The following NAV2 variants were observed in gnomAD, a reference collection of about 807,000 sequenced individuals.
NAV2 encodes the protein helicase, APC down-regulated 1.
Under a neutral mutation model 223.2 loss-of-function variants are expected in NAV2, and 54 were observed. The ratio of observed to expected loss-of-function variants is 0.24; its 90% CI spans 0.19 to 0.30. The LOEUF is 0.30. Ranked by LOEUF, NAV2 falls within the 10% of genes least tolerant of loss-of-function variation. The pLI, the probability that NAV2 is intolerant of heterozygous loss-of-function variation, is 1.00. For synonymous variants in NAV2, 1,279 were observed against 1,239.3 expected (o/e 1.03, Z -0.67); for missense variants, 2,806 against 3,147.5 (o/e 0.89, Z 2.60).
At chr11:19,477,855 G>T (rs1027747393) in intron 1 of NAV2, among the ~76,000 whole-genome samples, 4 of 152,180 alleles carry the variant, frequency 2.6e-5, no homozygotes, top group African/African-American at 9.7e-5. Context: ...AAAAAGTGGG[G>T]AGCCAGAACT....
intron 1 of NAV2, among the ~76,000 whole-genome samples, chr11:19,681,076 A>G (rs545258279): frequency 6.6e-6 from 1 of 152,334 alleles, no homozygotes; most frequent in Admixed American, 6.5e-5. Flanking sequence ...ATCCCCACTT[A>G]CAGATAGAGA....
chr11:20,097,677 A>T lies in NAV2; in HGVS notation c.6113A>T (p.Glu2038Val), dbSNP rs765533987. Residue 2038 changes from glutamate (E) to valine (V), a missense_variant, in exon 31 of 38, where the codon GAA becomes GTA. By Grantham distance (121) the Glu-to-Val change is moderately radical. Transcript: ENST00000349880. The part of the protein sequence containing the change: ...IGEIKRSNTS[E>V]TPELLPCGYL... ...GAAATCAAGCGCAGCAACACTTCCGAAACACCGGAGCTGCTTCCTTGTGGC... is the reference window on the plus strand; with the variant it reads ...GAAATCAAGCGCAGCAACACTTCCGTAACACCGGAGCTGCTTCCTTGTGGC... 1 of 1,613,520 alleles carries T rather than the reference A, an allele frequency of 6.2e-7. No homozygotes were observed. Among genetic ancestry groups the T allele is most frequent in the Non-Finnish European group, 8.5e-7 (1 of 1,179,852 alleles).
chr11:20,118,009 C>T, intron 37 of NAV2, 124 bp from the exon 38 acceptor site: 1 of 1,058,664 alleles, frequency 9.4e-7, no homozygotes, highest in Non-Finnish European at 1.4e-6. Flanking sequence ...TGTTCTTGTC[C>T]ACTGCCTCCA....
chr11:20,091,722 G>C (rs757222377), intron 27 of NAV2, among the ~76,000 whole-genome samples: 12 of 152,166 alleles, frequency 7.9e-5, no homozygotes, highest in Non-Finnish European at 1.2e-4. Flanking sequence ...AATGGAGTCA[G>C]TGTTTCACAA....
chr11:19,612,057 A>C (rs1340418934), intron 1 of NAV2, among the ~76,000 whole-genome samples: 1 of 152,226 alleles, frequency 6.6e-6, no homozygotes, highest in Non-Finnish European at 1.5e-5. Flanking sequence ...CTATGCACCC[A>C]CAGGCTCAAC....
At chr11:19,846,319 A>C (rs1338628318) in intron 3 of NAV2, among the ~76,000 whole-genome samples, 2 of 152,000 alleles carry the variant, frequency 1.3e-5, no homozygotes, top group Admixed American at 6.5e-5. Context: ...GGCAGCATCA[A>C]CTCCTTGTCC....
At chr11:19,632,682 C>A (rs557562883) in intron 1 of NAV2, among the ~76,000 whole-genome samples, 1 of 152,312 alleles carries the variant, frequency 6.6e-6, no homozygotes, top group Middle Eastern at 3.4e-3. Flanking sequence ...CCTATCTCAT[C>A]GGAATATGCC....
intron 1 of NAV2, among the ~76,000 whole-genome samples, chr11:19,756,462 C>T (rs944880996): frequency 2.0e-5 from 3 of 152,142 alleles, no homozygotes; most frequent in Admixed American, 6.5e-5. Context: ...TTGGACTGCG[C>T]GCAAGGGGCA....
chr11:19,645,373 C>T (rs1039381275), intron 1 of NAV2, among the ~76,000 whole-genome samples: 2 of 152,178 alleles, frequency 1.3e-5, no homozygotes, highest in Non-Finnish European at 2.9e-5. Context: ...CTCCCTATCT[C>T]AGTATCCTTA....
chr11:20,083,131 G>C lies in NAV2; in HGVS notation c.5450G>C (p.Gly1817Ala). Residue 1817 changes from glycine (G) to alanine (A), a missense_variant, in exon 26 of 38, where the codon GGG (glycine) becomes GCG (alanine). Gly to Ala is a moderately conservative substitution (Grantham distance 60). This residue lies in a region of NAV2 where 824 missense variants were observed against 1,069.4 expected (regional missense o/e 0.77). Transcript: ENST00000349880. ...TCCTCACCAAAGTTACCGCACAATG[G>C]GTCCACAGGTTCCACCCCACTGCTG... is the stretch of plus-strand genomic sequence containing the variant. ...LPSSPKLPHN[G>A]STGSTPLLRN... 6.2e-7 allele frequency: 1 copy of C among 1,613,924 alleles called. No individual in the cohort carries two copies. The highest frequency in any genetic ancestry group is 8.5e-7 in the Non-Finnish European group (1 of 1,179,932).
chr11:19,680,419 G>GT (rs141199479), intron 1 of NAV2, among the ~76,000 whole-genome samples: 3,112 of 152,198 alleles, frequency 0.02, 109 homozygotes, highest in African/African-American at 0.071. Context: ...GTTTTTAAGG[G>GT]TTTTTTTCCC....
At chr11:19,533,309 A>G (rs1291060372) in intron 1 of NAV2, among the ~76,000 whole-genome samples, 2 of 152,034 alleles carry the variant, frequency 1.3e-5, no homozygotes, top group East Asian at 3.9e-4. Flanking sequence ...TCTACCTACT[A>G]GATGCCATTA....
intron 1 of NAV2, among the ~76,000 whole-genome samples, chr11:19,628,139 G>A (rs2047225786): frequency 6.6e-6 from 1 of 152,138 alleles, no homozygotes; most frequent in African/African-American, 2.4e-5. Flanking sequence ...CTGGCCCCAG[G>A]GTTTGGCTCC....
chr11:19,891,647 T>A (rs1055214299), intron 5 of NAV2, among the ~76,000 whole-genome samples: 1 of 152,154 alleles, frequency 6.6e-6, no homozygotes, highest in African/African-American at 2.4e-5. Flanking sequence ...GGTCATCAGG[T>A]GTTGAAGGGA....
At chr11:19,570,675 C>G (rs1023636836) in intron 1 of NAV2, among the ~76,000 whole-genome samples, 1 of 152,160 alleles carries the variant, frequency 6.6e-6, no homozygotes, top group African/African-American at 2.4e-5. Flanking sequence ...CCCAGAAGCA[C>G]ATGGAAAGAT....
intron 26 of NAV2, among the ~76,000 whole-genome samples, chr11:20,086,401 C>T (rs2060449375): frequency 6.6e-6 from 1 of 152,172 alleles, no homozygotes; most frequent in Non-Finnish European, 1.5e-5. Flanking sequence ...CCTTAGGTCT[C>T]TGCTCAATGT....
chr11:19,375,077 C>T (rs1005406845), intron 1 of NAV2, among the ~76,000 whole-genome samples: 4 of 152,182 alleles, frequency 2.6e-5, no homozygotes, highest in Non-Finnish European at 4.4e-5. Flanking sequence ...AGCTCCTTCT[C>T]GACAATAATG....
chr11:20,035,936 A>C, intron 11 of NAV2, 23 bp from the exon 12 acceptor site: 2 of 1,613,932 alleles, frequency 1.2e-6, no homozygotes, highest in Non-Finnish European at 8.5e-7. Context: ...TTTGGTGCTC[A>C]GGATGTGTGT....
intron 1 of NAV2, among the ~76,000 whole-genome samples, chr11:19,749,286 G>A (rs946417463): frequency 6.6e-6 from 1 of 152,178 alleles, no homozygotes; most frequent in Non-Finnish European, 1.5e-5. Flanking sequence ...CAAGGTGTGA[G>A]GAGTAGGTGG....
Sources: allele counts gnomAD v4.1 joint callset (sites outside exome capture counted in the v4.1 genomes callset), GRCh38; gene constraint gnomAD v4.1.1; regional missense constraint gnomAD v4.1.1; transcripts MANE v1.5; gene names NCBI Gene and HGNC (gene_info 2026-07-23, HGNC 2026-07-21).